The following PCNX1 variants were observed in gnomAD, a reference collection of about 807,000 sequenced individuals.
PCNX1 encodes the protein pecanex 1, also known as pecanex-like protein 1.
PCNX1 carries 78 observed loss-of-function variants against 242.2 expected under a neutral mutation model. That is an observed-to-expected ratio of 0.32 (90% CI 0.27 to 0.39). PCNX1 has a LOEUF of 0.39. PCNX1 is among the 10% of genes least tolerant of loss of function. The pLI is 1.00. For synonymous variants in PCNX1, 1,024 were observed against 1,032.9 expected (o/e 0.99, Z 0.17); for missense variants, 2,581 against 2,856.5 (o/e 0.90, Z 2.20).
chr14:70,982,830 A>T (rs1186070959), intron 6 of PCNX1, among the ~76,000 whole-genome samples: 1 of 152,102 alleles, frequency 6.6e-6, no homozygotes, highest in Admixed American at 6.5e-5. Flanking sequence ...TTTTCATACC[A>T]CCTCTAATTA....
intron 8 of PCNX1, among the ~76,000 whole-genome samples, chr14:71,007,355 T>C (rs767595727): frequency 1.3e-5 from 2 of 152,106 alleles, no homozygotes; most frequent in Non-Finnish European, 2.9e-5. Flanking sequence ...TTTAGTTGAT[T>C]TTGTCACAGA....
chr14:71,093,322 A>C (rs76330730), intron 30 of PCNX1: 60 of 130,930 alleles, frequency 4.6e-4, no homozygotes, highest in African/African-American at 1.8e-3. Context: ...TGGATATGGC[A>C]AAAAAAAAAA....
intron 26 of PCNX1, among the ~76,000 whole-genome samples, chr14:71,068,294 G>A (rs2061496821): frequency 6.6e-6 from 1 of 151,794 alleles, no homozygotes; most frequent in Non-Finnish European, 1.5e-5. Flanking sequence ...TTGTGCCACT[G>A]CACTCCAGCT....
intron 1 of PCNX1, among the ~76,000 whole-genome samples, chr14:70,921,925 G>A (rs1419134923): frequency 6.6e-6 from 1 of 152,142 alleles, no homozygotes; most frequent in Non-Finnish European, 1.5e-5. Context: ...GGTACATTTG[G>A]AGGGGGAGTT....
At position 70,989,625 on chromosome 14, in the gene PCNX1, G is replaced by A. The variant is rs373962463; in HGVS notation, c.2444+926G>A. On this transcript the variant is annotated intron_variant, in intron 7 of 35. Transcript: ENST00000304743. ...GCTCACTGCAACCTCCGCCTCCCAA[G>A]TTCAAGTGATTCTCCTGGCTCAGCC... Among the ~76,000 whole-genome samples the A allele has an allele frequency of 1.4e-4, 20 of 146,724 alleles. No individual in the cohort carries two copies. The East Asian group carries it at 2.6e-3, about 19-fold the overall frequency.
At chr14:70,971,913 G>A (rs1032615189) in intron 5 of PCNX1, among the ~76,000 whole-genome samples, 1 of 152,156 alleles carries the variant, frequency 6.6e-6, no homozygotes, top group Admixed American at 6.6e-5. Flanking sequence ...CATTTTAAAG[G>A]TGCTAATTTT....
chr14:70,972,550 A>G (rs1595097492), intron 5 of PCNX1, among the ~76,000 whole-genome samples: 1 of 152,082 alleles, frequency 6.6e-6, no homozygotes, highest in Non-Finnish European at 1.5e-5. Context: ...TTTCTTGGCT[A>G]TGGTTTGGCG....
chr14:70,924,231 C>CAA (rs60333920), intron 1 of PCNX1, among the ~76,000 whole-genome samples: 76 of 97,950 alleles, frequency 7.8e-4, no homozygotes, highest in South Asian at 2.9e-3. Context: ...GAGACTGTCT[C>CAA]AAAAAAAAAA....
intron 2 of PCNX1, among the ~76,000 whole-genome samples, chr14:70,948,162 C>T (rs907355097): frequency 1.3e-5 from 2 of 152,136 alleles, no homozygotes; most frequent in Non-Finnish European, 2.9e-5. Flanking sequence ...TTGCCCTGCC[C>T]ATTTGCCTTG....
intron 1 of PCNX1, among the ~76,000 whole-genome samples, chr14:70,937,685 C>G (rs370376256): frequency 3.4e-4 from 52 of 152,234 alleles, no homozygotes; most frequent in Admixed American, 2.6e-3. Context: ...TCATTGGTAG[C>G]TTGATGGGGA....
In PCNX1 at chr14:71,105,395, G is replaced by A. The variant is rs1450248161; in HGVS notation, c.6256G>A (p.Gly2086Arg). Residue 2086 changes from glycine to arginine, a missense_variant, in exon 33 of 36, where the codon GGA (glycine) becomes AGA (arginine). Transcript: ENST00000304743. ...GSIGNPGQGSGTGLHPPVTSY... is the reference protein window; with the variant it reads ...GSIGNPGQGSRTGLHPPVTSY... ...CATTGGAAATCCTGGGCAGGGATCA[G>A]GAACTGGACTCCACCCACCTGTCAC... The A allele has an allele frequency of 6.2e-7, 1 of 1,614,106 alleles. No homozygotes were observed. Among genetic ancestry groups the A allele is most frequent in the South Asian group, 1.1e-5 (1 of 91,076 alleles).
chr14:70,963,279 A>G (rs1358990909), intron 3 of PCNX1, among the ~76,000 whole-genome samples: 1 of 152,224 alleles, frequency 6.6e-6, no homozygotes, highest in Non-Finnish European at 1.5e-5. Context: ...TTTCTTTTGC[A>G]GATGAGTACT....
chr14:71,037,283 C>T (rs1268848053), intron 19 of PCNX1, among the ~76,000 whole-genome samples: 1 of 141,424 alleles, frequency 7.1e-6, no homozygotes, highest in African/African-American at 2.6e-5. Context: ...CCTTTATTTC[C>T]TTCTCCTGCC....
intron 3 of PCNX1, among the ~76,000 whole-genome samples, chr14:70,964,216 GCCA>G (rs2058309884): frequency 6.6e-6 from 1 of 152,034 alleles, no homozygotes. Flanking sequence ...ACAGGTGTCT[GCCA>G]CCACACCTGG....
chr14:71,026,899 A>G lies in PCNX1; in HGVS notation c.3466+17A>G. ...GTGGTAATGGTGAGTACTTCTTTATAAAAATTATAGATTACAGTATTACCT... is the reference window on the plus strand; with the variant it reads ...GTGGTAATGGTGAGTACTTCTTTATGAAAATTATAGATTACAGTATTACCT... On this transcript the variant is annotated intron_variant, in intron 15 of 35. Transcript: ENST00000304743. 9.6e-7 allele frequency: 1 copy of G among 1,045,114 alleles called. No individual in the cohort carries two copies. The highest frequency in any genetic ancestry group is 1.5e-6 in the Non-Finnish European group (1 of 666,504). 64.7% of individuals were successfully genotyped at this position (1,045,114 alleles called of 1,614,324 possible). A position where few individuals can be genotyped will look rare whatever the true frequency, so the allele number is the denominator to read the frequency against.
chr14:70,925,813 A>T (rs1431639110), intron 1 of PCNX1, among the ~76,000 whole-genome samples: 6 of 151,354 alleles, frequency 4.0e-5, no homozygotes, highest in African/African-American at 1.5e-4. Flanking sequence ...AGGAGGAAAC[A>T]GAGGCTCCTA....
intron 1 of PCNX1, among the ~76,000 whole-genome samples, chr14:70,928,753 C>G (rs1312214116): frequency 6.6e-6 from 1 of 152,144 alleles, no homozygotes; most frequent in Non-Finnish European, 1.5e-5. Flanking sequence ...CATGCAGTCT[C>G]CAGATGATAC....
chr14:71,008,727 T>A (rs2059739338), intron 8 of PCNX1, among the ~76,000 whole-genome samples: 1 of 139,162 alleles, frequency 7.2e-6, no homozygotes, highest in Admixed American at 7.2e-5. Context: ...AATAAAAACC[T>A]CATAAATGCT....
chr14:70,919,870 A>C (rs1289235943), intron 1 of PCNX1, among the ~76,000 whole-genome samples: 1 of 151,866 alleles, frequency 6.6e-6, no homozygotes, highest in Non-Finnish European at 1.5e-5. Flanking sequence ...AGAAAAGAAA[A>C]CTTAGGGAAA....
Sources: gnomAD v4.1 joint callset for allele counts (sites outside exome capture counted in the v4.1 genomes callset) on GRCh38, gnomAD v4.1.1 for gene constraint, MANE v1.5 for transcripts, NCBI Gene and HGNC (gene_info 2026-07-23, HGNC 2026-07-21) for gene names.